Variants in SRGAP2C observed in about 807,000 individuals in gnomAD.
The protein encoded by SRGAP2C is SLIT-ROBO Rho GTPase activating protein 2C.
SRGAP2C carries 15 observed loss-of-function variants against 25.1 expected under a neutral mutation model. The observed-to-expected ratio is 0.60, with a 90% CI of 0.40 to 0.92. SRGAP2C has a LOEUF of 0.92. Among genes scored for constraint, SRGAP2C ranks in the 40% least tolerant of loss-of-function variants. The pLI, the probability that SRGAP2C is intolerant of heterozygous loss-of-function variation, is 0.00. For synonymous variants in SRGAP2C, 44 were observed against 96.6 expected, an observed-to-expected ratio of 0.46 and a Z score of 3.19; for missense variants, 144 against 264.4, an observed-to-expected ratio of 0.54 and a Z score of 3.16.
intron 2 of SRGAP2C, among the ~76,000 whole-genome samples, chr1:121,270,895 C>A (rs1479275027): frequency 2.0e-5 from 3 of 150,800 alleles, no homozygotes; most frequent in African/African-American, 7.3e-5. Context: ...CGGGTTCACG[C>A]CATTCTCCTG....
chr1:121,216,014 G>A (rs1655372939), intron 2 of SRGAP2C, among the ~76,000 whole-genome samples: 1 of 151,884 alleles, frequency 6.6e-6, no homozygotes, highest in Non-Finnish European at 1.5e-5. Context: ...TGACCTTACT[G>A]CCATCTTCTT....
intron 2 of SRGAP2C, among the ~76,000 whole-genome samples, chr1:121,201,731 G>A (rs1454722313): frequency 6.6e-6 from 1 of 152,240 alleles, no homozygotes; most frequent in African/African-American, 2.4e-5. Flanking sequence ...TGAAAGCAAG[G>A]CTATTTGGCC....
At chr1:121,202,634 G>T (rs1553321869) in intron 2 of SRGAP2C, among the ~76,000 whole-genome samples, 1 of 150,680 alleles carries the variant, frequency 6.6e-6, no homozygotes, top group Non-Finnish European at 1.5e-5. Flanking sequence ...TCACCATGTT[G>T]TTCAGGCTGG....
At chr1:121,237,780 C>T (rs1270342681) in intron 2 of SRGAP2C, among the ~76,000 whole-genome samples, 6 of 141,930 alleles carry the variant, frequency 4.2e-5, no homozygotes, top group African/African-American at 1.6e-4. Flanking sequence ...CCTAGAAAGA[C>T]TGTTCACATA....
At chr1:121,309,323 C>A (rs1334804710) in intron 3 of SRGAP2C, among the ~76,000 whole-genome samples, 1 of 138,956 alleles carries the variant, frequency 7.2e-6, no homozygotes, top group African/African-American at 2.7e-5. Flanking sequence ...AACAGTTATT[C>A]ATTTTTGTTT....
At chr1:121,370,687 G>A (rs183893411) in intron 5 of SRGAP2C, among the ~76,000 whole-genome samples, 53 of 152,050 alleles carry the variant, frequency 3.5e-4, no homozygotes, top group African/African-American at 5.8e-4. Flanking sequence ...CTCGTAATCC[G>A]CCCACCTGGG....
chr1:121,355,637 G>GA (rs1193331606), intron 4 of SRGAP2C, among the ~76,000 whole-genome samples: 2 of 134,714 alleles, frequency 1.5e-5, no homozygotes, highest in African/African-American at 5.6e-5. Flanking sequence ...AGTGTACGTG[G>GA]AACATTTACA....
Position 121,355,449 on chromosome 1 carries a change from C to T in SRGAP2C, c.424-9844C>T, listed in dbSNP as rs1433570433. 6.3e-5 allele frequency among the ~76,000 whole-genome samples: 5 copies of T among 79,494 alleles called. 1 individual carries two copies. The highest frequency in any genetic ancestry group is 1.4e-4 in the Admixed American group (1 of 7,398). The allele number at this position is 79,494 out of a possible 152,430, so 52.2% of individuals were successfully genotyped here. A position where few individuals can be genotyped will look rare whatever the true frequency, so the allele number is the denominator to read the frequency against. On this transcript the variant is annotated intron_variant, in intron 4 of 9. Coordinates refer to ENST00000367123, the MANE Select transcript of SRGAP2C (RefSeq NM_001329984.2). The stretch of plus-strand genomic sequence containing the variant: ...TCTCCTGCCTCAGCCTCCTGAATAG[C>T]TGGGACTACAGGTGCCCGCCACTAC...
chr1:121,290,817 TA>T (rs1412287473), intron 3 of SRGAP2C, among the ~76,000 whole-genome samples: 461 of 38,134 alleles, frequency 0.012, 16 homozygotes, highest in African/African-American at 0.046. Flanking sequence ...ACCCTGTGTC[TA>T]AAAAAAAAAA....
intron 2 of SRGAP2C, among the ~76,000 whole-genome samples, chr1:121,238,715 G>A (rs1656017683): frequency 6.6e-6 from 1 of 151,090 alleles, no homozygotes; most frequent in South Asian, 2.1e-4. Context: ...CTGGGCTGAA[G>A]TGATCCTCTT....
intron 2 of SRGAP2C, among the ~76,000 whole-genome samples, chr1:121,224,769 C>T (rs587743286): frequency 1.4e-4 from 21 of 151,912 alleles, no homozygotes; most frequent in South Asian, 1.0e-3. Context: ...ACTCTGTGCC[C>T]GTTTATAAAT....
chr1:121,375,906 C>A (rs1377354326), intron 7 of SRGAP2C, among the ~76,000 whole-genome samples: 1 of 151,428 alleles, frequency 6.6e-6, no homozygotes, highest in African/African-American at 2.4e-5. Context: ...CCAGCTCCCC[C>A]TGACATCTGG....
intron 3 of SRGAP2C, among the ~76,000 whole-genome samples, chr1:121,299,506 G>A (rs1553338623): frequency 7.5e-5 from 6 of 80,328 alleles, no homozygotes; most frequent in East Asian, 5.5e-4. Flanking sequence ...ACAGTTCTGC[G>A]TCTTAATATA....
chr1:121,260,510 A>G (rs1250211381), intron 2 of SRGAP2C, among the ~76,000 whole-genome samples: 3 of 151,796 alleles, frequency 2.0e-5, no homozygotes, highest in African/African-American at 7.3e-5. Context: ...ATACCATGAT[A>G]GGCTGTTGGC....
chr1:121,281,263 C>T (rs1214818992), intron 2 of SRGAP2C, among the ~76,000 whole-genome samples: 1 of 151,602 alleles, frequency 6.6e-6, no homozygotes, highest in East Asian at 1.9e-4. Flanking sequence ...TCCCTTAATG[C>T]CTGTATGGAT....
intron 2 of SRGAP2C, among the ~76,000 whole-genome samples, chr1:121,228,719 T>A (rs1489342259): frequency 6.6e-6 from 1 of 151,916 alleles, no homozygotes; most frequent in Non-Finnish European, 1.5e-5. Flanking sequence ...ACTGGTGACT[T>A]AAAAGCATTA....
At chr1:121,349,183 T>C (rs1178055473) in intron 4 of SRGAP2C, among the ~76,000 whole-genome samples, 1 of 151,940 alleles carries the variant, frequency 6.6e-6, no homozygotes, top group African/African-American at 2.4e-5. Context: ...GATAAAATAT[T>C]GCTGCTATTT....
chr1:121,322,854 G>A (rs1658240476), intron 3 of SRGAP2C, among the ~76,000 whole-genome samples: 1 of 152,044 alleles, frequency 6.6e-6, no homozygotes, highest in Non-Finnish European at 1.5e-5. Flanking sequence ...AATGGAGGCA[G>A]TACTGACCCA....
chr1:121,343,127 T>G (rs1339286327), intron 4 of SRGAP2C, among the ~76,000 whole-genome samples: 1 of 152,120 alleles, frequency 6.6e-6, no homozygotes, highest in Admixed American at 6.5e-5. Flanking sequence ...TTTAATTTTA[T>G]AGTCATTGTT....
Sources: gnomAD v4.1 joint callset for allele counts (sites outside exome capture counted in the v4.1 genomes callset) on GRCh38, gnomAD v4.1.1 for gene constraint, MANE v1.5 for transcripts, NCBI Gene and HGNC (gene_info 2026-07-23, HGNC 2026-07-21) for gene names.